The following DCUN1D1 variants were observed in gnomAD, a reference collection of about 807,000 sequenced individuals.
DCUN1D1 encodes the protein defective in cullin neddylation 1 domain containing 1.
Under a neutral mutation model 39.0 loss-of-function variants are expected in DCUN1D1, and 3 were observed. The observed-to-expected ratio is 0.08, with a 90% CI of 0.04 to 0.20. The LOEUF (loss-of-function observed/expected upper bound fraction) is 0.20. DCUN1D1 is among the 10% of genes least tolerant of loss of function. DCUN1D1 has a pLI of 1.00. For synonymous variants in DCUN1D1, 82 were observed against 96.3 expected, an observed-to-expected ratio of 0.85 and a Z score of 0.87; for missense variants, 158 against 302.4, an observed-to-expected ratio of 0.52 and a Z score of 3.54.
rs1412817637 is a variant in DCUN1D1, at chr3:182,947,544, A to T, written c.603+6T>A. The T allele has an allele frequency of 6.6e-7, 1 of 1,505,616 alleles. No homozygotes were observed. Among genetic ancestry groups the T allele is most frequent in the Non-Finnish European group, 9.2e-7 (1 of 1,091,572 alleles). 93.3% of individuals were successfully genotyped at this position (1,505,616 alleles called of 1,614,324 possible). On this transcript the variant is annotated splice_donor_region_variant and intron_variant, in intron 5 of 6. Transcript: ENST00000292782. ...ACAGAGAGAAATGTAGAAAATGTGA[A>T]CTTACCAACAAAAATTTATTCCATA... is the stretch of plus-strand genomic sequence containing the variant.
intron 6 of DCUN1D1, 55 bp from the exon 7 acceptor site, chr3:182,945,228 GGC>G: frequency 1.4e-6 from 2 of 1,381,676 alleles, no homozygotes. Flanking sequence ...GCAGAAATAA[GGC>G]TAACATTTTA....
rs1048757701 is a variant in DCUN1D1, at chr3:182,938,132, T to C, written c.*6962A>G. On this transcript the variant is annotated 3_prime_UTR_variant, in exon 7 of 7. Coordinates refer to ENST00000292782, the MANE Select transcript of DCUN1D1 (RefSeq NM_020640.4). ...AATCTGTTGATATAATAGCTTCTTATATACTACATTAACTTGAAAAATATA... is the reference window on the plus strand; with the variant it reads ...AATCTGTTGATATAATAGCTTCTTACATACTACATTAACTTGAAAAATATA... The C allele has an allele frequency of 6.6e-6, 1 of 152,214 alleles. No individual in the cohort carries two copies. Among genetic ancestry groups the C allele is most frequent in the Non-Finnish European group, 1.5e-5 (1 of 68,030 alleles). 9.4% of individuals were successfully genotyped at this position (152,214 alleles called of 1,614,324 possible). A position where few individuals can be genotyped will look rare whatever the true frequency, so the allele number is the denominator to read the frequency against.
intron 1 of DCUN1D1, among the ~76,000 whole-genome samples, chr3:182,976,511 C>G (rs1302339943): frequency 4.0e-5 from 6 of 151,678 alleles, no homozygotes; most frequent in African/African-American, 1.5e-4. Context: ...ATTGGTCTCA[C>G]TGTTCCTCAA....
chr3:182,971,184 G>C (rs1727916905), intron 1 of DCUN1D1, among the ~76,000 whole-genome samples: 2 of 152,212 alleles, frequency 1.3e-5, no homozygotes, highest in African/African-American at 4.8e-5. Flanking sequence ...TCTGTAAACA[G>C]AGTGTTGAGG....
chr3:182,964,204 A>G (rs1371413853), intron 2 of DCUN1D1, among the ~76,000 whole-genome samples, 155 bp from the exon 3 acceptor site: 1 of 152,232 alleles, frequency 6.6e-6, no homozygotes. Context: ...CCCATTATTT[A>G]AAGCCATTCT....
At chr3:182,976,440 TACATAC>T (rs1169777424) in intron 1 of DCUN1D1, among the ~76,000 whole-genome samples, 11 of 93,076 alleles carry the variant, frequency 1.2e-4, no homozygotes, top group Non-Finnish European at 1.8e-4. Context: ...TACATATACA[TACATAC>T]ACACACACAC....
At chr3:182,945,699 C>T (rs1726362139) in intron 6 of DCUN1D1, among the ~76,000 whole-genome samples, 1 of 152,166 alleles carries the variant, frequency 6.6e-6, no homozygotes, top group Admixed American at 6.5e-5. Context: ...AACAAGTTTT[C>T]AAGCATTCTG....
intron 1 of DCUN1D1, among the ~76,000 whole-genome samples, chr3:182,973,636 G>A (rs934188767): frequency 3.3e-5 from 5 of 151,954 alleles, no homozygotes; most frequent in South Asian, 4.1e-4. Flanking sequence ...GTGAAACCCC[G>A]TCTCTACTAA....
intron 1 of DCUN1D1, among the ~76,000 whole-genome samples, chr3:182,970,564 A>G (rs1026617823): frequency 2.0e-5 from 3 of 152,176 alleles, no homozygotes; most frequent in Non-Finnish European, 4.4e-5. Flanking sequence ...ACAGACACTT[A>G]GGCCTTTATA....
chr3:182,955,939 T>TA (rs1727034421), intron 4 of DCUN1D1: 1 of 159,930 alleles, frequency 6.3e-6, no homozygotes, highest in Non-Finnish European at 1.4e-5. Context: ...CTTTTTTTTT[T>TA]TTTTTTTGAG....
intron 4 of DCUN1D1, among the ~76,000 whole-genome samples, chr3:182,952,257 C>T (rs967577219): frequency 2.5e-4 from 38 of 152,328 alleles, no homozygotes; most frequent in African/African-American, 8.4e-4. Context: ...TCCATTCAAT[C>T]TAGGCTTCTC....
intron 4 of DCUN1D1, chr3:182,950,902 A>G (rs958014803): frequency 6.9e-6 from 1 of 145,636 alleles, no homozygotes. Context: ...ACTACTCGGG[A>G]GGCTGAGGCA....
At chr3:182,974,043 G>C (rs1728085947) in intron 1 of DCUN1D1, among the ~76,000 whole-genome samples, 1 of 150,710 alleles carries the variant, frequency 6.6e-6, no homozygotes. Flanking sequence ...CTTGAGGTCA[G>C]GAGTTCGAGA....
upstream of DCUN1D1, among the ~76,000 whole-genome samples, chr3:182,984,514 C>G (rs370966604): frequency 9.2e-5 from 14 of 152,034 alleles, 1 homozygote; most frequent in Admixed American, 6.6e-4. Context: ...TCCATAGCAA[C>G]AATCTCAGTA....
At chr3:182,970,976 C>A (rs1727906958) in intron 1 of DCUN1D1, among the ~76,000 whole-genome samples, 1 of 152,150 alleles carries the variant, frequency 6.6e-6, no homozygotes, top group African/African-American at 2.4e-5. Context: ...AAGTTCTACT[C>A]CAGGAAAGTC....
chr3:182,952,312 T>A (rs911522847), intron 4 of DCUN1D1, among the ~76,000 whole-genome samples: 1 of 152,218 alleles, frequency 6.6e-6, no homozygotes, highest in Non-Finnish European at 1.5e-5. Flanking sequence ...GTCCATTACA[T>A]GTTGGTGTTT....
intron 1 of DCUN1D1, among the ~76,000 whole-genome samples, chr3:182,972,847 A>G (rs1337570475): frequency 6.6e-6 from 1 of 152,200 alleles, no homozygotes; most frequent in Non-Finnish European, 1.5e-5. Context: ...GTCCGAGACC[A>G]GCCTGATCAA....
At chr3:182,956,621 A>G (rs1386746864) in intron 4 of DCUN1D1, among the ~76,000 whole-genome samples, 2 of 152,242 alleles carry the variant, frequency 1.3e-5, no homozygotes, top group African/African-American at 2.4e-5. Flanking sequence ...GTGTTCTTTA[A>G]AACACTATAC....
At chr3:182,947,656 G>A (rs1395726868) in intron 4 of DCUN1D1, 24 bp from the exon 5 acceptor site, 1 of 1,268,500 alleles carries the variant, frequency 7.9e-7, no homozygotes. Flanking sequence ...AATGAATTAT[G>A]TATTTAAATG....
Sources: allele counts gnomAD v4.1 joint callset (sites outside exome capture counted in the v4.1 genomes callset), GRCh38; gene constraint gnomAD v4.1.1; transcripts MANE v1.5; gene names NCBI Gene and HGNC (gene_info 2026-07-23, HGNC 2026-07-21).